Variants in NCAM2 observed in about 807,000 individuals in gnomAD.
NCAM2 encodes neural cell adhesion molecule 2.
Under a neutral mutation model 98.1 loss-of-function variants are expected in NCAM2, and 30 were observed. That is an observed-to-expected ratio of 0.31 (90% CI 0.23 to 0.41). NCAM2 has a LOEUF of 0.41. Ranked by LOEUF, NCAM2 falls within the 10% of genes least tolerant of loss-of-function variation. NCAM2 has a pLI of 1.00. For synonymous variants in NCAM2, 368 were observed against 342.4 expected (o/e 1.07, Z -0.83); for missense variants, 867 against 1,005.8 (o/e 0.86, Z 1.87).
intron 9 of NCAM2, among the ~76,000 whole-genome samples, chr21:21,374,273 C>A (rs2075983636): frequency 6.6e-6 from 1 of 151,704 alleles, no homozygotes; most frequent in Non-Finnish European, 1.5e-5. Context: ...ACATTGAACT[C>A]AAAACACAGT....
intron 9 of NCAM2, among the ~76,000 whole-genome samples, chr21:21,382,007 A>G (rs942174072): frequency 6.6e-6 from 1 of 152,128 alleles, no homozygotes; most frequent in African/African-American, 2.4e-5. Flanking sequence ...TTCTTTAAGC[A>G]TGGGGTTTCA....
rs143662564 is a variant in NCAM2, at chr21:21,111,439, A to G, written c.55+112821A>G. Among the ~76,000 whole-genome samples the G allele has an allele frequency of 1.9e-3, 292 of 152,268 alleles. 4 individuals are homozygous for G. The South Asian group carries it at 0.019, about 10-fold the overall frequency. On this transcript the variant is annotated intron_variant, in intron 1 of 17. Transcript: ENST00000400546. ...CAGGCTAAGCTCTGGGACACCCACA[A>G]TGCGGAGGTCTGGAAGATGAGGTTA...
intron 1 of NCAM2, among the ~76,000 whole-genome samples, chr21:21,082,281 C>CAAAAAAAAAAAAAAA (rs11384165): frequency 5.5e-5 from 7 of 127,858 alleles, no homozygotes; most frequent in Non-Finnish European, 1.1e-4. Context: ...GAGCTCAAAA[C>CAAAAAAAAAAAAAAA]AAAAAAAAAA....
intron 9 of NCAM2, among the ~76,000 whole-genome samples, chr21:21,389,034 C>T (rs912620478): frequency 3.3e-5 from 5 of 152,034 alleles, no homozygotes; most frequent in African/African-American, 1.2e-4. Context: ...CTGGGATATC[C>T]CTCACTTCAA....
In NCAM2 at chr21:21,052,150, A is replaced by ATTTTT. The variant is rs5842877; in HGVS notation, c.55+53553_55+53557dup. ...ATGAGAACTCAAACTCATGATGGCC[A>ATTTTT]TTTTTTTTTTTTTTTTTTTTTTTTT... On this transcript the variant is annotated intron_variant, in intron 1 of 17. Transcript: ENST00000400546. 3.7e-4 allele frequency among the ~76,000 whole-genome samples: 28 copies of ATTTTT among 74,806 alleles called. 3 individuals carry two copies. The highest frequency in any genetic ancestry group is 1.6e-3 in the African/African-American group (28 of 17,172). The allele number at this position is 74,806 out of a possible 152,430, so 49.1% of individuals were successfully genotyped here.
At chr21:21,349,499 T>C (rs2075278355) in intron 8 of NCAM2, among the ~76,000 whole-genome samples, 1 of 152,090 alleles carries the variant, frequency 6.6e-6, no homozygotes, top group Non-Finnish European at 1.5e-5. Context: ...AATAGTAAAA[T>C]AGCAATGGAG....
intron 1 of NCAM2, among the ~76,000 whole-genome samples, chr21:21,046,334 T>G (rs1355421132): frequency 6.6e-6 from 1 of 152,142 alleles, no homozygotes; most frequent in East Asian, 1.9e-4. Flanking sequence ...GACTTAATTT[T>G]AAAAGTGGTT....
At chr21:21,271,975 A>G (rs781123123) in intron 1 of NCAM2, among the ~76,000 whole-genome samples, 1 of 152,158 alleles carries the variant, frequency 6.6e-6, no homozygotes, top group Non-Finnish European at 1.5e-5. Context: ...GCACACCAAC[A>G]TGGTGCATGT....
intron 15 of NCAM2, among the ~76,000 whole-genome samples, chr21:21,489,731 C>T (rs1986691156): frequency 6.6e-6 from 1 of 152,024 alleles, no homozygotes; most frequent in African/African-American, 2.4e-5. Context: ...AAATTAATCT[C>T]ATAAATAGTA....
intron 1 of NCAM2, among the ~76,000 whole-genome samples, chr21:21,036,311 T>TG (rs2064795946): frequency 6.6e-6 from 1 of 152,128 alleles, no homozygotes; most frequent in African/African-American, 2.4e-5. Flanking sequence ...CTCAAGGACT[T>TG]AATAAACACA....
chr21:21,202,500 T>A (rs1430893087), intron 1 of NCAM2, among the ~76,000 whole-genome samples: 1 of 124,108 alleles, frequency 8.1e-6, no homozygotes, highest in Non-Finnish European at 1.6e-5. Context: ...CACCGCAACC[T>A]CCATCTCCCA....
At chr21:21,028,477 A>C (rs2030079566) in intron 1 of NCAM2, among the ~76,000 whole-genome samples, 1 of 152,220 alleles carries the variant, frequency 6.6e-6, no homozygotes, top group Non-Finnish European at 1.5e-5. Flanking sequence ...CCTTCAATCT[A>C]AATGAACTTG....
chr21:21,077,619 A>G (rs2065706947), intron 1 of NCAM2, among the ~76,000 whole-genome samples: 1 of 152,222 alleles, frequency 6.6e-6, no homozygotes, highest in Non-Finnish European at 1.5e-5. Flanking sequence ...AAAGAGAAGT[A>G]CAAAATAAAT....
intron 1 of NCAM2, among the ~76,000 whole-genome samples, chr21:21,173,427 G>A (rs543576192): frequency 1.3e-5 from 2 of 152,234 alleles, no homozygotes; most frequent in South Asian, 4.2e-4. Context: ...CAATAGCAAT[G>A]AACCTTGTAT....
chr21:21,149,489 G>A (rs1372662371), intron 1 of NCAM2, among the ~76,000 whole-genome samples: 2 of 152,114 alleles, frequency 1.3e-5, no homozygotes, highest in East Asian at 3.9e-4. Context: ...TTGGTGGTTT[G>A]CTGCACGTAT....
At chr21:21,524,894 A>G (rs957750425) in intron 16 of NCAM2, among the ~76,000 whole-genome samples, 5 of 152,168 alleles carry the variant, frequency 3.3e-5, no homozygotes, top group Admixed American at 2.0e-4. Context: ...AGATTAAACA[A>G]TGTACATTTA....
chr21:21,224,979 G>GAAGT (rs2070321652), intron 1 of NCAM2, among the ~76,000 whole-genome samples: 1 of 152,034 alleles, frequency 6.6e-6, no homozygotes, highest in African/African-American at 2.4e-5. Flanking sequence ...AGAGGACTTA[G>GAAGT]AAGTACCTAA....
chr21:21,306,879 T>TA (rs1329948466), intron 5 of NCAM2, among the ~76,000 whole-genome samples: 2 of 151,934 alleles, frequency 1.3e-5, no homozygotes, highest in African/African-American at 4.8e-5. Context: ...ATTATCCTTG[T>TA]ACTCTCTGTT....
chr21:21,014,271 A>G (rs190417638), intron 1 of NCAM2, among the ~76,000 whole-genome samples: 142 of 152,158 alleles, frequency 9.3e-4, no homozygotes, highest in Non-Finnish European at 1.4e-3. Context: ...TAAAAATACA[A>G]AAATTAGCTG....
Sources: allele counts gnomAD v4.1 joint callset (sites outside exome capture counted in the v4.1 genomes callset), GRCh38; gene constraint gnomAD v4.1.1; transcripts MANE v1.5; gene names NCBI Gene and HGNC (gene_info 2026-07-23, HGNC 2026-07-21).